The following SLC38A4 variants were observed in gnomAD, a reference collection of about 807,000 sequenced individuals.
SLC38A4 encodes sodium-coupled neutral amino acid transporter 4.
A neutral mutation model predicts 63.1 loss-of-function variants in SLC38A4; 20 were observed. The observed-to-expected ratio is 0.32, with a 90% CI of 0.22 to 0.46. The LOEUF (loss-of-function observed/expected upper bound fraction) is 0.46, where lower values mean the gene tolerates loss of function less well. Among genes scored for constraint, SLC38A4 ranks in the 20% least tolerant of loss-of-function variants. SLC38A4 has a pLI of 1.00. For synonymous variants in SLC38A4, 230 were observed against 225.5 expected, an observed-to-expected ratio of 1.02 and a Z score of -0.18; for missense variants, 526 against 663.6, an observed-to-expected ratio of 0.79 and a Z score of 2.28.
intron 2 of SLC38A4, among the ~76,000 whole-genome samples, chr12:46,794,918 A>G (rs1938969335): frequency 6.6e-6 from 1 of 151,978 alleles, no homozygotes; most frequent in Non-Finnish European, 1.5e-5. Context: ...CTAAATGTAT[A>G]TACATAAAAG....
chr12:46,804,018 A>G (rs1172131581), intron 1 of SLC38A4, among the ~76,000 whole-genome samples: 2 of 152,088 alleles, frequency 1.3e-5, no homozygotes, highest in Non-Finnish European at 2.9e-5. Context: ...TATGAATTGA[A>G]GTCAAAGCAA....
At chr12:46,788,205 A>G (rs1165514523) in intron 4 of SLC38A4, among the ~76,000 whole-genome samples, 174 bp from the exon 5 acceptor site, 3 of 152,200 alleles carry the variant, frequency 2.0e-5, no homozygotes, top group Non-Finnish European at 4.4e-5. Flanking sequence ...TTTCAACGGA[A>G]TGCAGTGCTT....
At chr12:46,778,161 G>A (rs1463574901) in intron 12 of SLC38A4, 128 bp downstream of exon 12, 1 of 807,886 alleles carries the variant, frequency 1.2e-6, no homozygotes, top group African/African-American at 1.7e-5. Context: ...GCATGTTACT[G>A]AGGAGTGGAT....
intron 1 of SLC38A4, among the ~76,000 whole-genome samples, chr12:46,806,668 T>G (rs768410462): frequency 3.0e-4 from 46 of 152,010 alleles, no homozygotes; most frequent in South Asian, 8.3e-4. Context: ...AAACAAGAAC[T>G]AGCAATAAAA....
intron 5 of SLC38A4, among the ~76,000 whole-genome samples, chr12:46,786,689 A>C (rs566245408): frequency 6.6e-6 from 1 of 152,278 alleles, no homozygotes; most frequent in South Asian, 2.1e-4. Flanking sequence ...TTTATTTCAA[A>C]ACATGGCTTA....
At position 46,765,678 on chromosome 12, in the gene SLC38A4, T is replaced by C. The variant is rs557170278; in HGVS notation, c.*1023A>G. On this transcript the variant is annotated 3_prime_UTR_variant, in exon 17 of 17. Transcript: ENST00000266579. ...TGCTTTGACTGTGAAGAAAGAAAAC[T>C]ACACATGTAAAAAATAAAAATCAAA... The C allele has an allele frequency of 1.0e-3, 183 of 182,056 alleles. 1 individual carries two copies. The highest frequency in any genetic ancestry group is 1.8e-3 in the Non-Finnish European group (149 of 84,804). The allele number at this position is 182,056 out of a possible 1,614,324, so 11.3% of individuals were successfully genotyped here.
At chr12:46,788,425 A>G (rs1938809568) in intron 4 of SLC38A4, 103 bp downstream of exon 4, 1 of 920,386 alleles carries the variant, frequency 1.1e-6, no homozygotes. Flanking sequence ...GAATGTGCTG[A>G]TCAAGGCTTG....
At chr12:46,815,135 A>G (rs1182580932) in intron 1 of SLC38A4, among the ~76,000 whole-genome samples, 3 of 151,428 alleles carry the variant, frequency 2.0e-5, no homozygotes, top group African/African-American at 7.3e-5. Flanking sequence ...TATGGTTGCT[A>G]AAATTATTTG....
At chr12:46,779,196 G>A (rs778819968) in intron 10 of SLC38A4, among the ~76,000 whole-genome samples, 8 of 151,920 alleles carry the variant, frequency 5.3e-5, no homozygotes, top group Admixed American at 1.3e-4. Flanking sequence ...TAGAGAGGAG[G>A]ATTTCTTCTT....
intron 7 of SLC38A4, among the ~76,000 whole-genome samples, chr12:46,783,568 A>G (rs1191358347): frequency 1.3e-5 from 2 of 152,020 alleles, no homozygotes; most frequent in Non-Finnish European, 2.9e-5. Flanking sequence ...GGTCATGAGG[A>G]CGGACAGAGA....
upstream of SLC38A4, among the ~76,000 whole-genome samples, chr12:46,829,547 G>T (rs535969484): frequency 6.6e-6 from 1 of 151,998 alleles, no homozygotes; most frequent in Non-Finnish European, 1.5e-5. Flanking sequence ...AAGTCCACAA[G>T]CTGTTAAGTG....
upstream of SLC38A4, among the ~76,000 whole-genome samples, chr12:46,828,301 T>G (rs1939686583): frequency 6.6e-6 from 1 of 152,144 alleles, no homozygotes; most frequent in Non-Finnish European, 1.5e-5. Flanking sequence ...CTTTTTTTTA[T>G]TTTTATTTTT....
intron 1 of SLC38A4, among the ~76,000 whole-genome samples, chr12:46,804,679 AT>A (rs1048599920): frequency 2.6e-5 from 4 of 151,772 alleles, no homozygotes; most frequent in Non-Finnish European, 5.9e-5. Context: ...GTAGTTAACA[AT>A]TTTTTTTCCT....
intron 1 of SLC38A4, among the ~76,000 whole-genome samples, chr12:46,808,328 G>A (rs1007271693): frequency 1.3e-5 from 2 of 151,824 alleles, no homozygotes; most frequent in Non-Finnish European, 2.9e-5. Flanking sequence ...CTGATCGCAC[G>A]CCCCTCTCTT....
chr12:46,812,838 A>G (rs905806685), intron 1 of SLC38A4, among the ~76,000 whole-genome samples: 1 of 152,060 alleles, frequency 6.6e-6, no homozygotes, highest in Non-Finnish European at 1.5e-5. Context: ...TGGTCATCCA[A>G]AAGAAATGTT....
chr12:46,791,496 T>A (rs1938888158), intron 3 of SLC38A4, among the ~76,000 whole-genome samples: 1 of 152,192 alleles, frequency 6.6e-6, no homozygotes, highest in South Asian at 2.1e-4. Flanking sequence ...TAGTTTCTCC[T>A]GATGGATTTT....
At chr12:46,815,268 TATATATATATATATATACACACAC>T (rs1179288464) in intron 1 of SLC38A4, among the ~76,000 whole-genome samples, 3 of 74,244 alleles carry the variant, frequency 4.0e-5, no homozygotes, top group Non-Finnish European at 5.7e-5. Context: ...TATATATATA[TATATATATATATATATACACACAC>T]ACACACACAC....
intron 9 of SLC38A4, 33 bp from the exon 10 acceptor site, chr12:46,779,702 A>C: frequency 6.3e-7 from 1 of 1,593,572 alleles, no homozygotes; most frequent in Non-Finnish European, 8.6e-7. Flanking sequence ...TGGAAGGTGA[A>C]TATGGCATCT....
intron 1 of SLC38A4, among the ~76,000 whole-genome samples, chr12:46,806,756 G>T (rs1351557787): frequency 6.6e-6 from 1 of 151,922 alleles, no homozygotes; most frequent in Non-Finnish European, 1.5e-5. Context: ...ATCAATCTAT[G>T]ACTATCACCT....
Sources: gnomAD v4.1 joint callset for allele counts (sites outside exome capture counted in the v4.1 genomes callset) on GRCh38, gnomAD v4.1.1 for gene constraint, MANE v1.5 for transcripts, NCBI Gene and HGNC (gene_info 2026-07-23, HGNC 2026-07-21) for gene names.